The following OR6N2 variants were observed in gnomAD, a reference collection of about 807,000 sequenced individuals.
OR6N2 encodes olfactory receptor 6N2.
For missense variants in OR6N2, 399 were observed against 379.7 expected (o/e 1.05, Z -0.42); for synonymous variants, 160 against 138.3 (o/e 1.16, Z -1.10).
chr1:158,777,171 A>T lies in OR6N2; in HGVS notation c.465T>A (p.Cys155Ter). ...AGGCAAGGATGACCTCAGAAATGGG[A>T]CACAGGAAGCCACAAGTCCAACAAG... ...AAACWTCGFL[C>*]PISEVILASQ... Residue 155 changes from cysteine (C) to a stop codon, truncating the protein, a stop_gained, in exon 2 of 2, where the codon TGT (cysteine) becomes TGA (stop). Coordinates refer to ENST00000641131, the MANE Select transcript of OR6N2 (RefSeq NM_001005278.2). LOFTEE classifies it low-confidence loss of function (END_TRUNC). 6.2e-7 allele frequency: 1 copy of T among 1,614,112 alleles called. No homozygotes were observed. Among genetic ancestry groups the T allele is most frequent in the Non-Finnish European group, 8.5e-7 (1 of 1,180,024 alleles).
At chr1:158,779,421 T>C (rs983673079) in intron 1 of OR6N2, among the ~76,000 whole-genome samples, 24 of 152,340 alleles carry the variant, frequency 1.6e-4, no homozygotes, top group African/African-American at 5.5e-4. Flanking sequence ...AAGATATTAA[T>C]AACCAAACGA....
rs1302431130 is a variant in OR6N2 at position 158,777,478 on chromosome 1, G to A, written c.158C>T (p.Ala53Val). The A allele has an allele frequency of 6.2e-7, 1 of 1,614,202 alleles. No homozygotes were observed. Among genetic ancestry groups the A allele is most frequent in the East Asian group, 2.2e-5 (1 of 44,888 alleles). Residue 53 changes from alanine (A) to valine (V), a missense_variant, in exon 2 of 2, where the codon GCA (alanine) becomes GTA (valine). Transcript: ENST00000641131. Reference sequence around the variant, plus strand: ...GTGGTACATAGGTGTGTGCAGAGCTGCATCCAGTCGGATGACTGAGAAGAT... The same window carrying A: ...GTGGTACATAGGTGTGTGCAGAGCTACATCCAGTCGGATGACTGAGAAGAT... ...MLIFSVIRLD[A>V]ALHTPMYHFV...
rs1211755840 is a variant in OR6N2, at chr1:158,777,119, C to G, written c.517G>C (p.Glu173Gln). The G allele has an allele frequency of 6.2e-7, 1 of 1,614,032 alleles. No individual in the cohort carries two copies. Among genetic ancestry groups the G allele is most frequent in the Non-Finnish European group, 8.5e-7 (1 of 1,180,048 alleles). ...ASQLPFCAYN[E>Q]IQHIFCDFPP... ...AAGTCACAGAAAATGTGTTGGATTT[C>G]ATTGTAAGCACAAAATGGGAGCTGG... is the stretch of plus-strand genomic sequence containing the variant. Residue 173 changes from glutamate (E) to glutamine (Q), a missense_variant, in exon 2 of 2, where the codon GAA becomes CAA. Physicochemically the swap from Glu to Gln is conservative, Grantham distance 29 (BLOSUM62 2). Coordinates refer to ENST00000641131, the MANE Select transcript of OR6N2 (RefSeq NM_001005278.2).
chr1:158,778,616 A>C (rs1338983222), intron 1 of OR6N2, among the ~76,000 whole-genome samples: 3 of 152,104 alleles, frequency 2.0e-5, no homozygotes, highest in Non-Finnish European at 2.9e-5. Context: ...AACATAAGTA[A>C]AATTTAACTA....
chr1:158,777,397 T>C lies in OR6N2; in HGVS notation c.239A>G (p.Lys80Arg). Residue 80 changes from lysine (K) to arginine (R), a missense_variant, in exon 2 of 2, where the codon AAG becomes AGG. By Grantham distance (26) the Lys-to-Arg change is conservative. Coordinates refer to ENST00000641131, the MANE Select transcript of OR6N2 (RefSeq NM_001005278.2). The stretch of plus-strand genomic sequence containing the variant: ...CTCACTGAGAATATTAGACAACATC[T>C]TAGGGATAGTGGTAGCTGTATACCA... The part of the protein sequence containing the change: ...ELWYTATTIP[K>R]MLSNILSEKK... 6.2e-7 allele frequency: 1 copy of C among 1,614,130 alleles called. No homozygotes were observed. The highest frequency in any genetic ancestry group is 8.5e-7 in the Non-Finnish European group (1 of 1,179,978).
rs1657596540 is a variant in OR6N2, at chr1:158,776,469, A to G, written c.*213T>C. 2.5e-6 allele frequency: 1 copy of G among 407,508 alleles called. No homozygotes were observed. The highest frequency in any genetic ancestry group is 4.1e-5 in the Admixed American group (1 of 24,374). 25.2% of individuals were successfully genotyped at this position (407,508 alleles called of 1,614,324 possible). ...TATACATGCTTTTTTTTAAAAAAAG[A>G]AGTATGTAGATACTAAAATATTCTT... On this transcript the variant is annotated 3_prime_UTR_variant, in exon 2 of 2. Coordinates refer to ENST00000641131, the MANE Select transcript of OR6N2 (RefSeq NM_001005278.2).
rs1657641335 is a variant in OR6N2 at position 158,777,604 on chromosome 1, T to A, written c.32A>T (p.Glu11Val). The change falls in exon 2 of 2, where the codon GAA becomes GTA. Residue 11 changes from glutamate (E) to valine (V), a missense_variant. Physicochemically the swap from Glu to Val is moderately radical, Grantham distance 121. Coordinates refer to ENST00000641131, the MANE Select transcript of OR6N2 (RefSeq NM_001005278.2). Reference sequence around the variant, plus strand: ...ACTGGCAAAGCCAAGGAACACAAATTCAGCCAGGCTTGAATGGTTGTATTG... The same window carrying A: ...ACTGGCAAAGCCAAGGAACACAAATACAGCCAGGCTTGAATGGTTGTATTG... MDQYNHSSLAEFVFLGFASVG... is the reference protein window; with the variant it reads MDQYNHSSLAVFVFLGFASVG... The A allele has an allele frequency of 6.2e-7, 1 of 1,613,644 alleles. No homozygotes were observed.
In OR6N2 at chr1:158,776,446, T is replaced by C. The variant is rs1287893639; in HGVS notation, c.*236A>G. On this transcript the variant is annotated 3_prime_UTR_variant, in exon 2 of 2. Transcript: ENST00000641131. ...TGGAAATGTGTGGACCTAGGAAATA[T>C]ACATGCTTTTTTTTAAAAAAAGAAG... 5 of 367,298 alleles carry C rather than the reference T, an allele frequency of 1.4e-5. No homozygotes were observed. The highest frequency in any genetic ancestry group is 4.2e-5 in the African/African-American group (2 of 47,550). The allele number at this position is 367,298 out of a possible 1,614,324, so 22.8% of individuals were successfully genotyped here.
chr1:158,777,425 A>G lies in OR6N2; in HGVS notation c.211T>C (p.Leu71=). 1.2e-6 allele frequency: 2 copies of G among 1,614,102 alleles called. No homozygotes were observed. The highest frequency in any genetic ancestry group is 2.2e-5 in the East Asian group (1 of 44,884). Residue 71 remains leucine (L), a synonymous_variant, in exon 2 of 2, where the codon TTG becomes CTG. Coordinates refer to ENST00000641131, the MANE Select transcript of OR6N2 (RefSeq NM_001005278.2). ...GGGATAGTGGTAGCTGTATACCACA[A>G]CTCCAAGAAGGAAAGAACACTGACA... ...HFVSVLSFLE[L]WYTATTIPKM... is the part of the protein sequence containing the mutation.
rs961744891 is a variant in OR6N2 at position 158,775,699 on chromosome 1, C to T, written c.*983G>A. 3 of 151,698 alleles carry T rather than the reference C, an allele frequency of 2.0e-5. No individual in the cohort carries two copies. Among genetic ancestry groups the T allele is most frequent in the Non-Finnish European group, 4.4e-5 (3 of 67,944 alleles). 9.4% of individuals were successfully genotyped at this position (151,698 alleles called of 1,614,324 possible). A position where few individuals can be genotyped will look rare whatever the true frequency, so the allele number is the denominator to read the frequency against. On this transcript the variant is annotated 3_prime_UTR_variant, in exon 2 of 2. Transcript: ENST00000641131. ...GGTAATTTACACCAGGGTAGAAACA[C>T]TAAAGAGTATAAGAAATAAATTGAT...
At chr1:158,777,714 C>T (rs1325631196) in intron 1 of OR6N2, 73 bp from the exon 2 acceptor site, 1 of 864,868 alleles carries the variant, frequency 1.2e-6, no homozygotes, top group Admixed American at 2.6e-5. Flanking sequence ...CTTCATTTCT[C>T]TCTCTCTCTT....
chr1:158,775,572 C>T lies in OR6N2; in HGVS notation c.*1110G>A, dbSNP rs961521768. On this transcript the variant is annotated 3_prime_UTR_variant, in exon 2 of 2. Transcript: ENST00000641131. ...GTATATACAATTCAGATTTCAAATA[C>T]ATTACTTTATATTTTATGTGGAAAA... 3 of 152,070 alleles carry T rather than the reference C, an allele frequency of 2.0e-5. No homozygotes were observed. The highest frequency in any genetic ancestry group is 4.4e-5 in the Non-Finnish European group (3 of 68,026). The allele number at this position is 152,070 out of a possible 1,614,324, so 9.4% of individuals were successfully genotyped here. A position where few individuals can be genotyped will look rare whatever the true frequency, so the allele number is the denominator to read the frequency against.
Position 158,775,213 on chromosome 1 carries a change from T to G in OR6N2, c.*1469A>C, listed in dbSNP as rs1253552087. On this transcript the variant is annotated 3_prime_UTR_variant, in exon 2 of 2. Coordinates refer to ENST00000641131, the MANE Select transcript of OR6N2 (RefSeq NM_001005278.2). Reference sequence around the variant, plus strand: ...ACTTCAGAGATAAAAATGAGTGACATAAATTAGACTGAGTGTTCAGAAGTC... The same window carrying G: ...ACTTCAGAGATAAAAATGAGTGACAGAAATTAGACTGAGTGTTCAGAAGTC... 6.6e-6 allele frequency: 1 copy of G among 152,084 alleles called. No individual in the cohort carries two copies. Among genetic ancestry groups the G allele is most frequent in the Non-Finnish European group, 1.5e-5 (1 of 68,010 alleles). The allele number at this position is 152,084 out of a possible 1,614,324, so 9.4% of individuals were successfully genotyped here.
At chr1:158,779,135 C>T (rs77679592) in intron 1 of OR6N2, among the ~76,000 whole-genome samples, 4 of 151,810 alleles carry the variant, frequency 2.6e-5, no homozygotes, top group African/African-American at 7.3e-5. Flanking sequence ...ATATAGCTGG[C>T]TTGGTGAAAT....
Position 158,776,364 on chromosome 1 carries a change from T to C in OR6N2, c.*318A>G, listed in dbSNP as rs1657593436. On this transcript the variant is annotated 3_prime_UTR_variant, in exon 2 of 2. Coordinates refer to ENST00000641131, the MANE Select transcript of OR6N2 (RefSeq NM_001005278.2). ...GATATGAAGTAAAGAAGAGGAAATATGGTGTGTTGAGAAGTTTGATTGGAA... is the reference window on the plus strand; with the variant it reads ...GATATGAAGTAAAGAAGAGGAAATACGGTGTGTTGAGAAGTTTGATTGGAA... The C allele has an allele frequency of 1.5e-5, 3 of 199,620 alleles. No individual in the cohort carries two copies. The highest frequency in any genetic ancestry group is 2.0e-5 in the Non-Finnish European group (2 of 100,034). The allele number at this position is 199,620 out of a possible 1,614,324, so 12.4% of individuals were successfully genotyped here.
chr1:158,775,726 T>G lies in OR6N2; in HGVS notation c.*956A>C, dbSNP rs951995110. ...AAAGAGTATAAGAAATAAATTGATT[T>G]AAGAATATATTTTGTGAAAAGATTG... On this transcript the variant is annotated 3_prime_UTR_variant, in exon 2 of 2. Transcript: ENST00000641131. The G allele has an allele frequency of 6.6e-6, 1 of 151,738 alleles. No homozygotes were observed. The highest frequency in any genetic ancestry group is 6.6e-5 in the Admixed American group (1 of 15,082). The allele number at this position is 151,738 out of a possible 1,614,324, so 9.4% of individuals were successfully genotyped here.
rs762767349 is a variant in OR6N2 at position 158,777,138 on chromosome 1, G to C, written c.498C>G (p.Leu166=). ...GGATTTCATTGTAAGCACAAAATGG[G>C]AGCTGGGAGGCAAGGATGACCTCAG... ...PISEVILASQ[L]PFCAYNEIQH... is the part of the protein sequence containing the mutation. The change falls in exon 2 of 2, where the codon CTC becomes CTG. Residue 166 remains leucine (L), a synonymous_variant. Transcript: ENST00000641131. The C allele has an allele frequency of 1.2e-6, 2 of 1,614,026 alleles. No individual in the cohort carries two copies. Among genetic ancestry groups the C allele is most frequent in the Non-Finnish European group, 1.7e-6 (2 of 1,180,040 alleles).
chr1:158,777,009 G>A lies in OR6N2; in HGVS notation c.627C>T (p.Ile209=). ...DFAINAFIIL[I]TFFFIMISYA... is the part of the protein sequence containing the mutation. ...AAGAAATCATGATAAAGAAGAAAGT[G>A]ATAAGAATTATGAAAGCATTAATGG... Residue 209 remains isoleucine, a synonymous_variant, in exon 2 of 2, where the codon ATC becomes ATT. Transcript: ENST00000641131. The A allele has an allele frequency of 6.2e-7, 1 of 1,614,144 alleles. No individual in the cohort carries two copies. Among genetic ancestry groups the A allele is most frequent in the Non-Finnish European group, 8.5e-7 (1 of 1,179,990 alleles).
In OR6N2 at chr1:158,775,634, T is replaced by G. The variant is rs936629617; in HGVS notation, c.*1048A>C. The G allele has an allele frequency of 3.9e-5, 6 of 152,170 alleles. No individual in the cohort carries two copies. Among genetic ancestry groups the G allele is most frequent in the African/African-American group, 1.4e-4 (6 of 41,448 alleles). 9.4% of individuals were successfully genotyped at this position (152,170 alleles called of 1,614,324 possible). On this transcript the variant is annotated 3_prime_UTR_variant, in exon 2 of 2. Transcript: ENST00000641131. ...AGAATGAGAGTAGGAGAAAGGAGCATGGGTAGAATATTATTACATTAATCC... is the reference window on the plus strand; with the variant it reads ...AGAATGAGAGTAGGAGAAAGGAGCAGGGGTAGAATATTATTACATTAATCC...
Sources: allele counts gnomAD v4.1 joint callset (sites outside exome capture counted in the v4.1 genomes callset), GRCh38; gene constraint gnomAD v4.1.1; transcripts MANE v1.5; gene names NCBI Gene and HGNC (gene_info 2026-07-23, HGNC 2026-07-21).